PSME4: variants seen among roughly 807,000 people sequenced by gnomAD.
PSME4 encodes proteasome activator subunit 4, also known as proteasome activator complex subunit 4.
Under a neutral mutation model 253.9 loss-of-function variants are expected in PSME4, and 89 were observed. The ratio of observed to expected loss-of-function variants is 0.35; its 90% CI spans 0.30 to 0.42. The LOEUF is 0.42. PSME4 is among the 10% of genes least tolerant of loss of function. The pLI is 1.00. For synonymous variants in PSME4, 851 were observed against 759.2 expected (o/e 1.12, Z -1.99); for missense variants, 2,014 against 2,195.2 (o/e 0.92, Z 1.65).
intron 2 of PSME4, 149 bp from the exon 3 acceptor site, chr2:53,948,686 A>T (rs1669836023): frequency 1.7e-6 from 1 of 598,434 alleles, no homozygotes; most frequent in Non-Finnish European, 3.0e-6. Context: ...AGCAGAACAT[A>T]GTATTAAGAA....
intron 37 of PSME4, 27 bp downstream of exon 37, chr2:53,890,077 G>C: frequency 6.6e-7 from 1 of 1,522,926 alleles, no homozygotes; most frequent in Non-Finnish European, 9.1e-7. Flanking sequence ...AGATCAGTTA[G>C]ACAAAGAAAG....
chr2:53,868,354 G>A (rs953600696), intron 44 of PSME4, among the ~76,000 whole-genome samples: 1 of 150,760 alleles, frequency 6.6e-6, no homozygotes, highest in Non-Finnish European at 1.5e-5. Context: ...CGGCTAACAG[G>A]GGCATGAGAA....
intron 3 of PSME4, among the ~76,000 whole-genome samples, chr2:53,941,651 T>TTACTACTACAA (rs1193309717): frequency 6.6e-6 from 1 of 152,142 alleles, no homozygotes; most frequent in African/African-American, 2.4e-5. Context: ...TAACAAAGTA[T>TTACTACTACAA]AGAATTAACA....
intron 35 of PSME4, 29 bp downstream of exon 35, chr2:53,893,645 C>A: frequency 1.2e-6 from 2 of 1,600,522 alleles, no homozygotes; most frequent in Non-Finnish European, 8.5e-7. Context: ...CTAAGCATTA[C>A]AAAGAGGATA....
intron 22 of PSME4, 41 bp from the exon 23 acceptor site, chr2:53,908,606 T>G: frequency 6.4e-7 from 1 of 1,559,180 alleles, no homozygotes; most frequent in Non-Finnish European, 8.7e-7. Flanking sequence ...TAAAATATTT[T>G]GAACTACTAT....
At chr2:53,886,056 T>C (rs749109185) in intron 40 of PSME4, among the ~76,000 whole-genome samples, 1 of 152,184 alleles carries the variant, frequency 6.6e-6, no homozygotes, top group Non-Finnish European at 1.5e-5. Context: ...GTGTATCTGA[T>C]AAGGGATTGA....
chr2:53,930,050 A>G (rs562444855), intron 10 of PSME4, among the ~76,000 whole-genome samples: 1 of 151,698 alleles, frequency 6.6e-6, no homozygotes, highest in Admixed American at 6.6e-5. Flanking sequence ...ATAAATAAAT[A>G]AATAATAAAT....
chr2:53,894,909 T>C, intron 34 of PSME4, 98 bp downstream of exon 34: 1 of 1,084,534 alleles, frequency 9.2e-7, no homozygotes, highest in East Asian at 2.4e-5. Flanking sequence ...ACAAATTGTA[T>C]TAAGAAAAAA....
intron 3 of PSME4, among the ~76,000 whole-genome samples, chr2:53,941,409 T>A (rs1274134090): frequency 1.3e-5 from 2 of 151,556 alleles, no homozygotes; most frequent in African/African-American, 4.8e-5. Context: ...AAAAACACAG[T>A]TTAGAGAAAA....
rs367622925 is a variant in PSME4 at position 53,970,599 on chromosome 2, G to T, written c.186C>A (p.Ala62=). 71 of 1,549,354 alleles carry T rather than the reference G, an allele frequency of 4.6e-5. 1 individual carries two copies. The highest frequency in any genetic ancestry group is 3.9e-4 in the East Asian group (16 of 40,862). The part of the protein sequence containing the change: ...LAQIKCNLGR[A]VQLQELWPGG... ...CGGGCCACAGCTCTTGGAGCTGCAC[G>T]GCCCGGCCCAGGTTGCATTTGATCT... The change falls in exon 1 of 47, where the codon GCC becomes GCA. Residue 62 remains alanine (A), a synonymous_variant. Coordinates refer to ENST00000404125, the MANE Select transcript of PSME4 (RefSeq NM_014614.3).
At chr2:53,920,868 T>C in intron 18 of PSME4, 21 bp downstream of exon 18, 1 of 1,552,814 alleles carries the variant, frequency 6.4e-7, no homozygotes, top group Non-Finnish European at 8.9e-7. Context: ...TCTTGAATCC[T>C]AAAGTACTGA....
intron 1 of PSME4, among the ~76,000 whole-genome samples, chr2:53,951,584 G>A (rs1669999812): frequency 6.6e-6 from 1 of 152,178 alleles, no homozygotes; most frequent in Non-Finnish European, 1.5e-5. Context: ...GGAGCAATGA[G>A]ACGTGAGATC....
chr2:53,931,814 A>C, intron 10 of PSME4, 21 bp downstream of exon 10: 1 of 1,610,758 alleles, frequency 6.2e-7, no homozygotes, highest in Non-Finnish European at 8.5e-7. Context: ...GCTGTGGCTG[A>C]GACTCCCACT....
intron 4 of PSME4, among the ~76,000 whole-genome samples, chr2:53,938,239 T>C (rs1669213567): frequency 1.3e-5 from 2 of 152,078 alleles, no homozygotes; most frequent in South Asian, 2.1e-4. Flanking sequence ...AAAGAGAACA[T>C]CAGTCCAGCA....
At chr2:53,916,181 A>G (rs1395429232) in intron 20 of PSME4, among the ~76,000 whole-genome samples, 3 of 138,942 alleles carry the variant, frequency 2.2e-5, no homozygotes, top group African/African-American at 5.5e-5. Context: ...CAGGAGGTGG[A>G]GGTCGCAGTG....
chr2:53,887,914 C>G lies in PSME4; in HGVS notation c.4464G>C (p.Lys1488Asn). The G allele has an allele frequency of 6.2e-7, 1 of 1,606,510 alleles. No homozygotes were observed. Among genetic ancestry groups the G allele is most frequent in the South Asian group, 1.1e-5 (1 of 90,892 alleles). The change falls in exon 39 of 47, where the codon AAG becomes AAC. Residue 1488 changes from lysine (K) to asparagine (N), a missense_variant. Physicochemically the swap from Lys to Asn is moderately conservative, Grantham distance 94 (BLOSUM62 0). Coordinates refer to ENST00000404125, the MANE Select transcript of PSME4 (RefSeq NM_014614.3). Reference sequence around the variant, plus strand: ...CCTGGGTGAGTTTGGGTTCCAAGTACTTCAGTAGTCTGTGCAATAGTTCAG... The same window carrying G: ...CCTGGGTGAGTTTGGGTTCCAAGTAGTTCAGTAGTCTGTGCAATAGTTCAG... ...RVPELLHRLL[K>N]YLEPKLTQVY...
intron 3 of PSME4, among the ~76,000 whole-genome samples, chr2:53,946,667 G>A (rs956847779): frequency 2.0e-5 from 3 of 152,080 alleles, no homozygotes; most frequent in Non-Finnish European, 4.4e-5. Flanking sequence ...AGGCCAAGGC[G>A]GGAGGATCAC....
At chr2:53,897,349 A>G (rs1229760587) in intron 31 of PSME4, among the ~76,000 whole-genome samples, 2 of 151,914 alleles carry the variant, frequency 1.3e-5, no homozygotes, top group South Asian at 2.1e-4. Context: ...TTGTACTTCT[A>G]GTAGAGACAG....
At chr2:53,952,361 T>C (rs1004694515) in intron 1 of PSME4, among the ~76,000 whole-genome samples, 6 of 152,076 alleles carry the variant, frequency 3.9e-5, no homozygotes, top group African/African-American at 7.2e-5. Flanking sequence ...GCCAACATGA[T>C]GAAACCCCTG....
Sources: allele counts gnomAD v4.1 joint callset (sites outside exome capture counted in the v4.1 genomes callset), GRCh38; gene constraint gnomAD v4.1.1; transcripts MANE v1.5; gene names NCBI Gene and HGNC (gene_info 2026-07-23, HGNC 2026-07-21).